CUEDC1: variants seen among roughly 807,000 people sequenced by gnomAD.
The protein encoded by CUEDC1 is CUE domain containing 1.
Under a neutral mutation model 43.7 loss-of-function variants are expected in CUEDC1, and 30 were observed. That is an observed-to-expected ratio of 0.69 (90% CI 0.51 to 0.93). CUEDC1 has a LOEUF of 0.93. CUEDC1 is among the 40% of genes least tolerant of loss of function. The pLI is 0.00. For synonymous variants in CUEDC1, 223 were observed against 223.6 expected, an observed-to-expected ratio of 1.00 and a Z score of 0.02; for missense variants, 486 against 549.0, an observed-to-expected ratio of 0.89 and a Z score of 1.15.
chr17:57,884,418 G>A (rs893913297), intron 2 of CUEDC1, among the ~76,000 whole-genome samples: 6 of 151,696 alleles, frequency 4.0e-5, no homozygotes, highest in South Asian at 2.1e-4. Context: ...GGCTGGTCTC[G>A]AACTCCTGAA....
chr17:57,939,293 T>A (rs1055371786), intron 1 of CUEDC1, among the ~76,000 whole-genome samples: 3 of 150,410 alleles, frequency 2.0e-5, no homozygotes, highest in African/African-American at 7.4e-5. Flanking sequence ...TGAGACGAGA[T>A]CTCAGTCTGG....
At chr17:57,880,319 T>G (rs150925682) in intron 2 of CUEDC1, among the ~76,000 whole-genome samples, 2 of 152,212 alleles carry the variant, frequency 1.3e-5, no homozygotes, top group Non-Finnish European at 2.9e-5. Context: ...CTGTAGGATA[T>G]GGCTCATTAC....
At chr17:57,947,699 G>T (rs2074971757) in intron 1 of CUEDC1, among the ~76,000 whole-genome samples, 1 of 152,120 alleles carries the variant, frequency 6.6e-6, no homozygotes, top group Non-Finnish European at 1.5e-5. Flanking sequence ...TTCTCGGGAG[G>T]CTGAGACACA....
At chr17:57,952,956 G>T (rs369508417) in intron 1 of CUEDC1, among the ~76,000 whole-genome samples, 1 of 152,042 alleles carries the variant, frequency 6.6e-6, no homozygotes, top group East Asian at 1.9e-4. Flanking sequence ...GGAAAGGCAG[G>T]CCAGGCCTCC....
chr17:57,941,154 C>T lies in CUEDC1; in HGVS notation c.-316+14071G>A, dbSNP rs375430306. On this transcript the variant is annotated intron_variant, in intron 1 of 10. Coordinates refer to ENST00000577830, the MANE Select transcript of CUEDC1 (RefSeq NM_001271875.2). ...CAGGTGGCTGATGGAAAACAGAAGC[C>T]GCAAAAGACACCACTCATCTTCCCC... Among the ~76,000 whole-genome samples the T allele has an allele frequency of 5.3e-5, 8 of 152,302 alleles. No individual in the cohort carries two copies. The South Asian group carries it at 1.0e-3, about 20-fold the overall frequency.
chr17:57,919,869 C>T (rs1055005910), intron 1 of CUEDC1, among the ~76,000 whole-genome samples: 1 of 152,186 alleles, frequency 6.6e-6, no homozygotes, highest in African/African-American at 2.4e-5. Flanking sequence ...TCAGCACAAA[C>T]AGCCCCCAGT....
chr17:57,914,544 C>G (rs1407807412), intron 1 of CUEDC1, among the ~76,000 whole-genome samples: 1 of 152,130 alleles, frequency 6.6e-6, no homozygotes, highest in Non-Finnish European at 1.5e-5. Flanking sequence ...CCTGTTGCAT[C>G]CATTTGGGAG....
At chr17:57,898,682 A>C (rs2074438996) in intron 1 of CUEDC1, among the ~76,000 whole-genome samples, 1 of 152,162 alleles carries the variant, frequency 6.6e-6, no homozygotes, top group Admixed American at 6.5e-5. Flanking sequence ...CAAGGGGCTG[A>C]TTCTAGAGTC....
At chr17:57,923,018 G>A (rs1432437787) in intron 1 of CUEDC1, among the ~76,000 whole-genome samples, 1 of 152,038 alleles carries the variant, frequency 6.6e-6, no homozygotes, top group Admixed American at 6.6e-5. Flanking sequence ...ATAGAGACGG[G>A]CCTTGCCACA....
chr17:57,911,743 G>A (rs2074585619), intron 1 of CUEDC1, among the ~76,000 whole-genome samples: 1 of 152,186 alleles, frequency 6.6e-6, no homozygotes, highest in Admixed American at 6.5e-5. Flanking sequence ...CTGATCTCAA[G>A]TGATCCGCCC....
chr17:57,914,753 C>T (rs995394547), intron 1 of CUEDC1, among the ~76,000 whole-genome samples: 14 of 152,298 alleles, frequency 9.2e-5, no homozygotes, highest in African/African-American at 3.4e-4. Context: ...ACCTGCCCCA[C>T]CTGGCCTCTC....
At chr17:57,931,719 A>G (rs2074805721) in intron 1 of CUEDC1, among the ~76,000 whole-genome samples, 1 of 152,150 alleles carries the variant, frequency 6.6e-6, no homozygotes, top group Non-Finnish European at 1.5e-5. Context: ...CACACAAAGG[A>G]ACACAGTCAG....
chr17:57,938,438 C>T (rs186548190), intron 1 of CUEDC1, among the ~76,000 whole-genome samples: 50 of 152,240 alleles, frequency 3.3e-4, no homozygotes, highest in African/African-American at 1.2e-3. Context: ...CTTTTAAATT[C>T]TCCCTCACAG....
At chr17:57,910,411 T>A (rs2074570551) in intron 1 of CUEDC1, among the ~76,000 whole-genome samples, 1 of 151,880 alleles carries the variant, frequency 6.6e-6, no homozygotes, top group Non-Finnish European at 1.5e-5. Context: ...AATTAACATA[T>A]ATATGTTATG....
At chr17:57,872,945 G>A (rs1281737020) in intron 4 of CUEDC1, 90 bp from the exon 5 acceptor site, 2 of 1,228,212 alleles carry the variant, frequency 1.6e-6, no homozygotes, top group East Asian at 4.8e-5. Flanking sequence ...CACATGCCCT[G>A]TCCAACATCC....
At chr17:57,951,996 A>G (rs368478073) in intron 1 of CUEDC1, among the ~76,000 whole-genome samples, 1 of 152,154 alleles carries the variant, frequency 6.6e-6, no homozygotes, top group South Asian at 2.1e-4. Flanking sequence ...AGAAACACTG[A>G]GTGAGCCAAC....
chr17:57,952,232 GT>G (rs931912557), intron 1 of CUEDC1, among the ~76,000 whole-genome samples: 19 of 146,144 alleles, frequency 1.3e-4, no homozygotes, highest in East Asian at 3.9e-4. Flanking sequence ...ATTTATTTAT[GT>G]TTTTTTTTTG....
rs1272804067 is a variant in CUEDC1, at chr17:57,938,624, TTTTTA to T, written c.-316+16596_-316+16600del. ...GAACCAGCTAAACATGGACAACAGC[TTTTTA>T]TTTTATTTTTAAATTTTATTTATTT... On this transcript the variant is annotated intron_variant, in intron 1 of 10. Coordinates refer to ENST00000577830, the MANE Select transcript of CUEDC1 (RefSeq NM_001271875.2). 2.3e-3 allele frequency among the ~76,000 whole-genome samples: 353 copies of T among 152,222 alleles called. 2 individuals are homozygous for T. Among genetic ancestry groups the T allele is most frequent in the African/African-American group, 8.1e-3 (335 of 41,540 alleles).
chr17:57,904,135 G>A (rs990559036), intron 1 of CUEDC1, among the ~76,000 whole-genome samples: 1 of 152,076 alleles, frequency 6.6e-6, no homozygotes, highest in Non-Finnish European at 1.5e-5. Context: ...CACCCCAGCT[G>A]GCAGGGGGCA....
Sources: gnomAD v4.1 joint callset for allele counts (sites outside exome capture counted in the v4.1 genomes callset) on GRCh38, gnomAD v4.1.1 for gene constraint, MANE v1.5 for transcripts, NCBI Gene and HGNC (gene_info 2026-07-23, HGNC 2026-07-21) for gene names.